Variants in SUGCT observed in about 807,000 individuals in gnomAD.
SUGCT encodes the protein succinyl-CoA:glutarate CoA-transferase.
SUGCT carries 41 observed loss-of-function variants against 55.0 expected under a neutral mutation model. The observed-to-expected ratio is 0.74, with a 90% confidence interval of 0.58 to 0.97. The LOEUF (loss-of-function observed/expected upper bound fraction) is 0.97, where lower values mean the gene tolerates loss of function less well. SUGCT is among the 50% of genes least tolerant of loss of function. The probability of loss-of-function intolerance (pLI) is 0.00; values close to 1 mark genes in which losing one functional copy is unlikely to be tolerated. For synonymous variants in SUGCT, 187 were observed against 200.4 expected, an observed-to-expected ratio of 0.93 and a Z score of 0.56; for missense variants, 568 against 547.8, an observed-to-expected ratio of 1.04 and a Z score of -0.37.
chr7:40,361,144 T>C (rs1323318129), intron 9 of SUGCT, among the ~76,000 whole-genome samples: 5 of 152,060 alleles, frequency 3.3e-5, no homozygotes, highest in Non-Finnish European at 5.9e-5. Context: ...GAGTAATGAC[T>C]TTACCTATAG....
chr7:40,377,187 TTTCTTTC>T (rs1406552505), intron 9 of SUGCT, among the ~76,000 whole-genome samples: 744 of 12,612 alleles, frequency 0.059, 181 homozygotes, highest in East Asian at 0.36. Context: ...TCTTTCTTTC[TTTCTTTC>T]TTTCTTTTCT....
the SUGCT span, among the ~76,000 whole-genome samples, chr7:41,030,439 A>G: frequency 6.6e-6 from 1 of 152,346 alleles, no homozygotes; most frequent in African/African-American, 2.4e-5. Flanking sequence ...TAAGGCAGTG[A>G]TAACATACAG....
Position 40,549,427 on chromosome 7 carries a change from A to C in SUGCT, c.1089+53041A>C, listed in dbSNP as rs187650226. Among the ~76,000 whole-genome samples the C allele has an allele frequency of 2.8e-3, 430 of 152,308 alleles. 1 individual carries two copies. Among genetic ancestry groups the C allele is most frequent in the Middle Eastern group, 0.01 (3 of 294 alleles). On this transcript the variant is annotated intron_variant, in intron 12 of 13. Coordinates refer to ENST00000335693, the MANE Select transcript of SUGCT (RefSeq NM_001193313.2). ...GTCAAATTAGAGGTAGCCTTAAAGA[A>C]ATGCAAGCATTTGGCTGAAATTGTC...
intron 6 of SUGCT, among the ~76,000 whole-genome samples, chr7:40,216,955 T>C (rs1237921129): frequency 3.9e-5 from 6 of 152,144 alleles, no homozygotes; most frequent in Non-Finnish European, 7.3e-5. Context: ...AGGGCAAGTG[T>C]AAGTATTTTC....
At chr7:40,693,499 A>G (rs140307039) in intron 12 of SUGCT, among the ~76,000 whole-genome samples, 1 of 152,306 alleles carries the variant, frequency 6.6e-6, no homozygotes, top group African/African-American at 2.4e-5. Context: ...AGGGCCAGAG[A>G]GGTTAAGTAA....
chr7:40,688,023 A>G (rs1473006378), intron 12 of SUGCT, among the ~76,000 whole-genome samples: 1 of 152,208 alleles, frequency 6.6e-6, no homozygotes, highest in African/African-American at 2.4e-5. Context: ...GGAACTCTTC[A>G]TCCTTCAACA....
intron 9 of SUGCT, among the ~76,000 whole-genome samples, chr7:40,351,298 C>T (rs1282825840): frequency 6.6e-6 from 1 of 152,004 alleles, no homozygotes; most frequent in African/African-American, 2.4e-5. Context: ...TTCATGACCT[C>T]TTTTATTGTG....
At chr7:40,358,681 TC>T (rs1179543797) in intron 9 of SUGCT, among the ~76,000 whole-genome samples, 1 of 151,814 alleles carries the variant, frequency 6.6e-6, no homozygotes, top group Non-Finnish European at 1.5e-5. Flanking sequence ...GCCACTGCAC[TC>T]CAGCCTGGGC....
intron 7 of SUGCT, among the ~76,000 whole-genome samples, chr7:40,266,185 C>CTT (rs10685507): frequency 0.2 from 23,431 of 116,804 alleles, 3,088 homozygotes; most frequent in Middle Eastern, 0.24. Flanking sequence ...CTTTCCTTTC[C>CTT]TTTTTTTTTT....
the SUGCT span, among the ~76,000 whole-genome samples, chr7:40,985,384 A>G: frequency 3.9e-5 from 6 of 152,238 alleles, no homozygotes; most frequent in African/African-American, 1.4e-4. Context: ...AGACATCAAA[A>G]CAAATAATGA....
At chr7:40,135,999 A>ATTTTTTT (rs34395438) in intron 1 of SUGCT, among the ~76,000 whole-genome samples, 77 of 112,986 alleles carry the variant, frequency 6.8e-4, no homozygotes, top group African/African-American at 1.9e-3. Flanking sequence ...AGGATGCAGG[A>ATTTTTTT]TTTTTTTTTT....
At chr7:40,976,091 A>G in the SUGCT span, among the ~76,000 whole-genome samples, 1 of 152,146 alleles carries the variant, frequency 6.6e-6, no homozygotes. Flanking sequence ...TGGTTCAAAC[A>G]TTGGTTGTAG....
At chr7:40,238,599 T>C (rs1789161025) in intron 7 of SUGCT, among the ~76,000 whole-genome samples, 1 of 152,218 alleles carries the variant, frequency 6.6e-6, no homozygotes, top group Non-Finnish European at 1.5e-5. Context: ...TGGAATAAAC[T>C]GAGACAGAGT....
intron 9 of SUGCT, among the ~76,000 whole-genome samples, chr7:40,335,332 C>A (rs903084128): frequency 1.3e-5 from 2 of 151,776 alleles, no homozygotes; most frequent in African/African-American, 4.8e-5. Flanking sequence ...TATAAATTAC[C>A]TTGGGCAGTA....
intron 9 of SUGCT, among the ~76,000 whole-genome samples, chr7:40,435,945 C>CTTTTCTTTTCTTTTCT (rs745704083): frequency 1.7e-5 from 2 of 114,602 alleles, no homozygotes; most frequent in Non-Finnish European, 3.6e-5. Flanking sequence ...CTTTTCTTTT[C>CTTTTCTTTTCTTTTCT]TTTTTTTTTT....
chr7:40,529,729 T>C (rs1793986196), intron 12 of SUGCT, among the ~76,000 whole-genome samples: 3 of 152,164 alleles, frequency 2.0e-5, no homozygotes. Context: ...TGGAAAACCA[T>C]ATCAATGATA....
At chr7:40,415,108 C>G (rs1031853582) in intron 9 of SUGCT, among the ~76,000 whole-genome samples, 4 of 58,554 alleles carry the variant, frequency 6.8e-5, no homozygotes, top group Non-Finnish European at 1.4e-4. Flanking sequence ...ATCTATCTAT[C>G]TATCTATATA....
At chr7:40,609,021 A>C (rs899898938) in intron 12 of SUGCT, among the ~76,000 whole-genome samples, 2 of 152,082 alleles carry the variant, frequency 1.3e-5, no homozygotes, top group East Asian at 3.9e-4. Context: ...GTATTCTGCT[A>C]TGTGAATGTT....
At chr7:40,421,639 T>C (rs1787313366) in intron 9 of SUGCT, among the ~76,000 whole-genome samples, 1 of 152,182 alleles carries the variant, frequency 6.6e-6, no homozygotes, top group African/African-American at 2.4e-5. Context: ...TTGTTAAACA[T>C]ATCTATGGAA....
Sources: gnomAD v4.1 joint callset for allele counts (sites outside exome capture counted in the v4.1 genomes callset) on GRCh38, gnomAD v4.1.1 for gene constraint, MANE v1.5 for transcripts, NCBI Gene and HGNC (gene_info 2026-07-23, HGNC 2026-07-21) for gene names.